The following MOBP variants were observed in gnomAD, a reference collection of about 807,000 sequenced individuals.
MOBP encodes the protein myelin associated oligodendrocyte basic protein, also known as myelin-associated oligodendrocyte basic protein.
MOBP carries 5 observed loss-of-function variants against 15.0 expected under a neutral mutation model. That is an observed-to-expected ratio of 0.33 (90% confidence interval 0.17 to 0.70). The LOEUF (loss-of-function observed/expected upper bound fraction) is 0.70. MOBP is among the 30% of genes least tolerant of loss of function. The probability of loss-of-function intolerance (pLI) is 0.67; values close to 1 mark genes in which losing one functional copy is unlikely to be tolerated. For missense variants in MOBP, 188 were observed against 257.8 expected (o/e 0.73, Z 1.85); for synonymous variants, 88 against 99.0 (o/e 0.89, Z 0.66).
chr3:39,493,510 TC>T (rs2042831408), intron 2 of MOBP, among the ~76,000 whole-genome samples: 1 of 152,140 alleles, frequency 6.6e-6, no homozygotes, highest in Admixed American at 6.5e-5. Flanking sequence ...CTAGAGAGCA[TC>T]TGGGGACAGG....
intron 1 of MOBP, among the ~76,000 whole-genome samples, chr3:39,467,947 A>T (rs1387641768): frequency 6.6e-6 from 1 of 152,186 alleles, no homozygotes; most frequent in Non-Finnish European, 1.5e-5. Flanking sequence ...GGCCTCCTGG[A>T]ATGTTCCTGC....
intron 1 of MOBP, among the ~76,000 whole-genome samples, chr3:39,469,230 A>G (rs911087325): frequency 8.2e-6 from 1 of 122,118 alleles, no homozygotes; most frequent in Admixed American, 8.2e-5. Context: ...ACATATATAC[A>G]TATGTGTGTG....
chr3:39,501,926 C>A (rs2042975200), intron 2 of MOBP, 140 bp from the exon 3 acceptor site: 3 of 645,892 alleles, frequency 4.6e-6, no homozygotes. Flanking sequence ...GGAAGTTGGT[C>A]TTCCAGGGTG....
At chr3:39,500,059 A>G (rs1708059) in intron 2 of MOBP, 110,030 of 455,150 alleles carry the variant, frequency 0.24, 15,346 homozygotes, top group African/African-American at 0.46. Context: ...ACATTCCTCT[A>G]CCTACAAGGT....
rs768825974 is a variant in MOBP, at chr3:39,502,024, C to G, written c.-4-42C>G. 3.8e-5 allele frequency: 59 copies of G among 1,543,576 alleles called. No homozygotes were observed. Among genetic ancestry groups the G allele is most frequent in the Non-Finnish European group, 4.9e-5 (55 of 1,118,190 alleles). On this transcript the variant is annotated intron_variant, in intron 2 of 3. Transcript: ENST00000684792. This position sits in a 1 kb window ranked among gnomAD's most constrained non-coding sequence, Gnocchi z 6.3. Reference sequence around the variant, plus strand: ...GTAGAGGGCTCCCTTTCCTGATGTGCGTTTATGTCTCCTCCTGTCTCCTTG... The same window carrying G: ...GTAGAGGGCTCCCTTTCCTGATGTGGGTTTATGTCTCCTCCTGTCTCCTTG...
exon 5 of MOBP, chr3:39,513,476 C>T: frequency 6.5e-7 from 1 of 1,536,774 alleles, no homozygotes; most frequent in Non-Finnish European, 9.0e-7. Context: ...CTCATTGCTT[C>T]ACAACCCATC....
chr3:39,480,357 C>T (rs2042610347), intron 2 of MOBP, among the ~76,000 whole-genome samples: 1 of 152,148 alleles, frequency 6.6e-6, no homozygotes, highest in Admixed American at 6.5e-5. Context: ...ATGACCCAAG[C>T]CACCGAGTGT....
At chr3:39,469,624 G>A (rs58024034) in intron 1 of MOBP, among the ~76,000 whole-genome samples, 6,861 of 152,070 alleles carry the variant, frequency 0.045, 230 homozygotes, top group African/African-American at 0.093. Flanking sequence ...GAGAGTATAA[G>A]CCAGTTATTT....
intron 4 of MOBP, among the ~76,000 whole-genome samples, chr3:39,511,036 C>G (rs1307652399): frequency 6.6e-6 from 1 of 152,132 alleles, no homozygotes; most frequent in Non-Finnish European, 1.5e-5. Context: ...ACTGTATCAT[C>G]AAAATAGAAA....
intron 3 of MOBP, among the ~76,000 whole-genome samples, chr3:39,522,592 A>G (rs1463204997): frequency 1.3e-5 from 2 of 152,110 alleles, no homozygotes; most frequent in African/African-American, 2.4e-5. Flanking sequence ...CTTACTTTCT[A>G]CTCTGCTACA....
intron 2 of MOBP, among the ~76,000 whole-genome samples, chr3:39,480,869 C>T (rs373190640): frequency 1.3e-5 from 2 of 152,230 alleles, no homozygotes; most frequent in African/African-American, 4.8e-5. Flanking sequence ...ACTACTCCAT[C>T]AAGCAAACAG....
intron 2 of MOBP, among the ~76,000 whole-genome samples, chr3:39,498,532 G>C (rs2042919326): frequency 6.6e-6 from 1 of 151,924 alleles, no homozygotes; most frequent in Non-Finnish European, 1.5e-5. Context: ...TGTATTTTTA[G>C]TAGACACCGG....
intron 1 of MOBP, among the ~76,000 whole-genome samples, chr3:39,468,527 T>A (rs2042375762): frequency 6.6e-6 from 1 of 152,096 alleles, no homozygotes; most frequent in African/African-American, 2.4e-5. Flanking sequence ...GTGAGTGAGT[T>A]TTAAAAATTG....
At position 39,502,922 on chromosome 3, in the gene MOBP, GT is replaced by G; in HGVS notation, c.*44del. ...TTGTTCCCCAGCCCTAAGGTTAGTA[GT>G]TGCTTCCTGTGTTTACTAACACCGG... On this transcript the variant is annotated 3_prime_UTR_variant, in exon 4 of 4. Transcript: ENST00000684792. The surrounding 1 kb of genome is among the most constrained non-coding windows in gnomAD (Gnocchi z 6.3). 1.1e-6 allele frequency: 1 copy of G among 906,446 alleles called. No homozygotes were observed. Among genetic ancestry groups the G allele is most frequent in the Non-Finnish European group, 1.6e-6 (1 of 613,016 alleles). 56.2% of individuals were successfully genotyped at this position (906,446 alleles called of 1,614,324 possible).
chr3:39,502,806 C>A lies in MOBP; in HGVS notation c.478C>A (p.Pro160Thr), dbSNP rs1043395959. The stretch of plus-strand genomic sequence containing the variant: ...TCCCCCTCAGAAGTCCAAGCAACAG[C>A]CGCGCAGCAGCCCCCTCAGAGGGCC... ...QRPPQKSKQQ[P>T]RSSPLRGPGA... The change falls in exon 4 of 4, where the codon CCG becomes ACG. Residue 160 changes from proline to threonine, a missense_variant. Pro to Thr is a conservative substitution (Grantham distance 38). This residue lies in a region of MOBP where 55 missense variants were observed against 45.2 expected (regional missense o/e 1.22). Transcript: ENST00000684792. This position sits in a 1 kb window ranked among gnomAD's most constrained non-coding sequence, Gnocchi z 6.3. 156 of 1,533,568 alleles carry A rather than the reference C, an allele frequency of 1.0e-4. No homozygotes were observed. The highest frequency in any genetic ancestry group is 1.3e-4 in the Non-Finnish European group (144 of 1,145,138). 95.0% of individuals were successfully genotyped at this position (1,533,568 alleles called of 1,614,324 possible).
intron 2 of MOBP, among the ~76,000 whole-genome samples, chr3:39,497,381 A>G (rs1368495041): frequency 6.6e-6 from 1 of 152,228 alleles, no homozygotes. Flanking sequence ...ACCCTAGGAC[A>G]TAGACTCATG....
At chr3:39,498,948 G>A (rs529073404) in intron 2 of MOBP, among the ~76,000 whole-genome samples, 102 of 152,320 alleles carry the variant, frequency 6.7e-4, no homozygotes, top group African/African-American at 2.3e-3. Context: ...AATTAGGGAA[G>A]GAATTCAGAG....
At chr3:39,514,320 C>T (rs2043165920) in exon 5 of MOBP, 1 of 152,460 alleles carries the variant, frequency 6.6e-6, no homozygotes. Flanking sequence ...TGGCTTCAAC[C>T]ACAATGCCCT....
chr3:39,496,537 TG>T (rs1365620325), intron 2 of MOBP, among the ~76,000 whole-genome samples: 19 of 145,730 alleles, frequency 1.3e-4, no homozygotes, highest in African/African-American at 4.1e-4. Context: ...CTCGCTGTGT[TG>T]CCCAGGCTGG....
Sources: allele counts gnomAD v4.1 joint callset (sites outside exome capture counted in the v4.1 genomes callset), GRCh38; gene constraint gnomAD v4.1.1; regional missense constraint gnomAD v4.1.1; non-coding constraint Gnocchi (gnomAD v3.1); transcripts MANE v1.5; gene names NCBI Gene and HGNC (gene_info 2026-07-23, HGNC 2026-07-21).